CREBRF: variants seen among roughly 807,000 people sequenced by gnomAD.
The protein encoded by CREBRF is UPF0474 protein C5orf41.
A neutral mutation model predicts 66.1 loss-of-function variants in CREBRF; 5 were observed. The ratio of observed to expected loss-of-function variants is 0.08; its 90% CI spans 0.04 to 0.16. The LOEUF (loss-of-function observed/expected upper bound fraction) is 0.16. Ranked by LOEUF, CREBRF falls within the 10% of genes least tolerant of loss-of-function variation. The probability of loss-of-function intolerance (pLI) is 1.00; values close to 1 mark genes in which losing one functional copy is unlikely to be tolerated. For synonymous variants in CREBRF, 229 were observed against 264.4 expected, an observed-to-expected ratio of 0.87 and a Z score of 1.30; for missense variants, 531 against 744.9, an observed-to-expected ratio of 0.71 and a Z score of 3.34.
chr5:173,091,543 A>G (rs1758340519), intron 4 of CREBRF, 142 bp downstream of exon 4: 8 of 1,451,728 alleles, frequency 5.5e-6, no homozygotes, highest in Non-Finnish European at 5.5e-6. Context: ...TTGGATATGT[A>G]ATTGGTTTTT....
At position 173,133,738 on chromosome 5, in the gene CREBRF, A is replaced by G; in HGVS notation, c.1913A>G (p.Lys638Arg). ...GLVGLRIPTS[K>R]V ...GTAGGATTAAGGATACCAACATCAA[A>G]GGTGTAATCAGCCTCATTGGACCAC... The change falls in exon 9 of 9, where the codon AAG becomes AGG. Residue 638 changes from lysine to arginine, a missense_variant. Around this residue, in one of 5 missense-constraint regions of CREBRF, gnomAD observed 64 missense variants for 111.3 expected, o/e 0.58. Transcript: ENST00000296953. 6.4e-7 allele frequency: 1 copy of G among 1,556,872 alleles called. No homozygotes were observed. The highest frequency in any genetic ancestry group is 1.7e-5 in the Admixed American group (1 of 59,094).
intron 4 of CREBRF, among the ~76,000 whole-genome samples, chr5:173,097,939 A>C (rs1040446694): frequency 6.8e-6 from 1 of 147,084 alleles, no homozygotes; most frequent in Non-Finnish European, 1.5e-5. Context: ...TTCTTTTTCT[A>C]CTTCCTTGAG....
chr5:173,104,848 A>G (rs1401851777), intron 4 of CREBRF, among the ~76,000 whole-genome samples: 1 of 152,194 alleles, frequency 6.6e-6, no homozygotes, highest in African/African-American at 2.4e-5. Flanking sequence ...TACTTCTGGG[A>G]AAAAGGCTGG....
chr5:173,105,246 TGTG>T (rs1758721982), intron 4 of CREBRF, among the ~76,000 whole-genome samples: 1 of 152,014 alleles, frequency 6.6e-6, no homozygotes, highest in East Asian at 1.9e-4. Flanking sequence ...TGTGTGTGTG[TGTG>T]TGTGTGTACA....
At chr5:173,064,559 A>ATTTTT (rs1217486982) in intron 1 of CREBRF, among the ~76,000 whole-genome samples, 9 of 107,642 alleles carry the variant, frequency 8.4e-5, no homozygotes, top group East Asian at 5.0e-4. Flanking sequence ...CACCTGGTTA[A>ATTTTT]TTTTTTTTTT....
At chr5:173,064,790 C>A (rs1757385571) in intron 1 of CREBRF, among the ~76,000 whole-genome samples, 1 of 152,040 alleles carries the variant, frequency 6.6e-6, no homozygotes, top group Non-Finnish European at 1.5e-5. Flanking sequence ...TCTTGAACTC[C>A]CCACCCCAGG....
At chr5:173,129,817 TTTTTTTGTTTGTTTG>T (rs946174790) in intron 8 of CREBRF, among the ~76,000 whole-genome samples, 1 of 152,088 alleles carries the variant, frequency 6.6e-6, no homozygotes, top group African/African-American at 2.4e-5. Flanking sequence ...TTTTCTTAGA[TTTTTTTGTTTGTTTG>T]TTTTTTGTTT....
chr5:173,107,889 C>T (rs909946096), intron 4 of CREBRF, among the ~76,000 whole-genome samples: 5 of 145,822 alleles, frequency 3.4e-5, no homozygotes, highest in Admixed American at 1.4e-4. Flanking sequence ...TGGAGTGCTG[C>T]GGCACAATCT....
intron 4 of CREBRF, among the ~76,000 whole-genome samples, chr5:173,106,684 A>G (rs1477528858): frequency 6.6e-6 from 1 of 152,048 alleles, no homozygotes; most frequent in Non-Finnish European, 1.5e-5. Flanking sequence ...AAATCATGTA[A>G]TCACCACTAA....
At chr5:173,082,600 A>G (rs1014297403) in intron 2 of CREBRF, among the ~76,000 whole-genome samples, 2 of 151,428 alleles carry the variant, frequency 1.3e-5, no homozygotes, top group African/African-American at 2.4e-5. Flanking sequence ...AAAAAAAAAG[A>G]AAATACTAAA....
At chr5:173,079,042 T>A (rs1291951291) in intron 1 of CREBRF, among the ~76,000 whole-genome samples, 1 of 152,114 alleles carries the variant, frequency 6.6e-6, no homozygotes, top group Non-Finnish European at 1.5e-5. Flanking sequence ...TGATTATGAC[T>A]ACATACCAGT....
chr5:173,066,785 A>G (rs1418693885), intron 1 of CREBRF, among the ~76,000 whole-genome samples: 2 of 101,748 alleles, frequency 2.0e-5, no homozygotes, highest in Non-Finnish European at 4.1e-5. Flanking sequence ...AGATACTCAT[A>G]TTGTGTCGTA....
intron 1 of CREBRF, among the ~76,000 whole-genome samples, chr5:173,069,907 ATT>A (rs112414901): frequency 6.9e-6 from 1 of 145,838 alleles, no homozygotes; most frequent in Non-Finnish European, 1.5e-5. Flanking sequence ...GAAGGAAACA[ATT>A]TTTTTTTTTT....
intron 1 of CREBRF, among the ~76,000 whole-genome samples, chr5:173,063,532 T>A (rs1191667127): frequency 6.6e-6 from 1 of 152,022 alleles, no homozygotes; most frequent in Non-Finnish European, 1.5e-5. Context: ...CACACTCAGC[T>A]AATTTTTTGT....
At position 173,134,209 on chromosome 5, in the gene CREBRF, T is replaced by A. The variant is rs1451015848; in HGVS notation, c.*464T>A. ...CACTTGTATATGGCACACCCAGCAC[T>A]TGTGCCTGTGGGCCATATTAGATGT... On this transcript the variant is annotated 3_prime_UTR_variant, in exon 9 of 9. Transcript: ENST00000296953. The A allele has an allele frequency of 6.6e-6, 1 of 151,048 alleles. No homozygotes were observed. The highest frequency in any genetic ancestry group is 6.7e-5 in the Admixed American group (1 of 15,036). 9.4% of individuals were successfully genotyped at this position (151,048 alleles called of 1,614,324 possible).
chr5:173,094,734 C>G (rs1012486824), intron 4 of CREBRF, among the ~76,000 whole-genome samples: 2 of 151,840 alleles, frequency 1.3e-5, no homozygotes, highest in Non-Finnish European at 2.9e-5. Flanking sequence ...ATAGGTAGTC[C>G]CTTCACTCTG....
chr5:173,061,228 C>T (rs1265453932), intron 1 of CREBRF, among the ~76,000 whole-genome samples: 2 of 152,126 alleles, frequency 1.3e-5, no homozygotes, highest in Non-Finnish European at 2.9e-5. Flanking sequence ...AGCCTCCCAA[C>T]GTGCTGGGAT....
chr5:173,133,322 C>T (rs747022483), intron 8 of CREBRF, among the ~76,000 whole-genome samples: 3 of 152,180 alleles, frequency 2.0e-5, no homozygotes, highest in South Asian at 2.1e-4. Context: ...CAGTGCCTGT[C>T]GGCAGCCTTT....
At chr5:173,059,650 T>C (rs1408789148) in intron 1 of CREBRF, among the ~76,000 whole-genome samples, 3 of 144,844 alleles carry the variant, frequency 2.1e-5, no homozygotes, top group Non-Finnish European at 4.5e-5. Context: ...CAGAGAAGTA[T>C]AGTGAAAATA....
Sources: gnomAD v4.1 joint callset for allele counts (sites outside exome capture counted in the v4.1 genomes callset) on GRCh38, gnomAD v4.1.1 for gene constraint, gnomAD v4.1.1 regional missense constraint, MANE v1.5 for transcripts, NCBI Gene and HGNC (gene_info 2026-07-23, HGNC 2026-07-21) for gene names.